CFAP418: variants seen among roughly 807,000 people sequenced by gnomAD.
CFAP418 encodes cilia- and flagella-associated protein 418.
Under a neutral mutation model 24.7 loss-of-function variants are expected in CFAP418, and 27 were observed. That is an observed-to-expected ratio of 1.09 (90% CI 0.81 to 1.51). The LOEUF is 1.51. Among genes scored for constraint, CFAP418 ranks in the 40% most tolerant of loss-of-function variants. The probability of loss-of-function intolerance (pLI) is 0.00; values close to 1 mark genes in which losing one functional copy is unlikely to be tolerated. For synonymous variants in CFAP418, 74 were observed against 87.3 expected (o/e 0.85, Z 0.85); for missense variants, 257 against 255.2 (o/e 1.01, Z -0.05).
rs202061158 is a variant in CFAP418 at position 95,247,707 on chromosome 8, T to C, written c.534A>G (p.Ala178=). 1 of 1,614,170 alleles carries C rather than the reference T, an allele frequency of 6.2e-7. No homozygotes were observed. Residue 178 remains alanine, a synonymous_variant, in exon 6 of 6, where the codon GCA becomes GCG. Coordinates refer to ENST00000286688, the MANE Select transcript of CFAP418 (RefSeq NM_177965.4). The part of the protein sequence containing the change: ...AKLIKKKGTR[A]YACQCSWRTI... ...TTCTCCAGCTACACTGGCAGGCATA[T>C]GCCCGTGTTCCTTTCTTCTTTATCA...
chr8:95,268,915 T>C, intron 1 of CFAP418, 120 bp downstream of exon 1: 5 of 1,121,446 alleles, frequency 4.5e-6, no homozygotes, highest in South Asian at 2.9e-5. Context: ...GTCTGAACCC[T>C]GATGCAAGGA....
intron 1 of CFAP418, among the ~76,000 whole-genome samples, chr8:95,268,400 G>A: frequency 6.6e-6 from 1 of 152,000 alleles, no homozygotes; most frequent in African/African-American, 2.4e-5. Flanking sequence ...CTTTGAACCC[G>A]GGAGTTGGAG....
In CFAP418 at chr8:95,269,047, T is replaced by G. The variant is rs1331803430; in HGVS notation, c.143A>C (p.Lys48Thr). Residue 48 changes from lysine (K) to threonine (T), a missense_variant, in exon 1 of 6, where the codon AAA (lysine) becomes ACA (threonine). Coordinates refer to ENST00000286688, the MANE Select transcript of CFAP418 (RefSeq NM_177965.4). ...HSSDRNQAKA[K>T]ETLRSTETFK... ...CCGCCCGGTTAACCTGAGCGTCTCTTTCGCCTTGGCTTGGTTCCGGTCGCT... is the reference window on the plus strand; with the variant it reads ...CCGCCCGGTTAACCTGAGCGTCTCTGTCGCCTTGGCTTGGTTCCGGTCGCT... 1.2e-6 allele frequency: 2 copies of G among 1,613,944 alleles called. No homozygotes were observed. The highest frequency in any genetic ancestry group is 1.3e-5 in the African/African-American group (1 of 74,928).
At chr8:95,260,373 G>T in intron 3 of CFAP418, 95 bp downstream of exon 3, 1 of 887,964 alleles carries the variant, frequency 1.1e-6, no homozygotes, top group Non-Finnish European at 1.7e-6. Flanking sequence ...GTTGTTCAAT[G>T]TCACTGCTGT....
At chr8:95,260,810 A>G (rs1031688052) in intron 2 of CFAP418, among the ~76,000 whole-genome samples, 1 of 152,342 alleles carries the variant, frequency 6.6e-6, no homozygotes, top group African/African-American at 2.4e-5. Flanking sequence ...GAGTCACTTT[A>G]TAACTCTTCA....
chr8:95,266,071 T>C (rs549508501), intron 1 of CFAP418, among the ~76,000 whole-genome samples: 10 of 152,372 alleles, frequency 6.6e-5, no homozygotes, highest in African/African-American at 2.4e-4. Context: ...TATGTCCTTG[T>C]GATTTAGCAA....
chr8:95,267,576 G>A (rs1215350470), intron 1 of CFAP418, among the ~76,000 whole-genome samples: 2 of 152,112 alleles, frequency 1.3e-5, no homozygotes, highest in African/African-American at 2.4e-5. Context: ...GCGACAGAGC[G>A]AAACTCAAAA....
At chr8:95,258,483 T>C (rs1482937526) in intron 4 of CFAP418, among the ~76,000 whole-genome samples, 1 of 151,564 alleles carries the variant, frequency 6.6e-6, no homozygotes, top group Non-Finnish European at 1.5e-5. Flanking sequence ...AGCTGTACGA[T>C]GTATTTTAAA....
chr8:95,259,233 A>T (rs139161679), intron 4 of CFAP418, among the ~76,000 whole-genome samples: 29 of 152,294 alleles, frequency 1.9e-4, no homozygotes, highest in African/African-American at 5.5e-4. Context: ...CTTAAAGCCA[A>T]ACTGTTTGCC....
chr8:95,257,284 T>C (rs890916990), intron 4 of CFAP418, among the ~76,000 whole-genome samples: 4 of 152,320 alleles, frequency 2.6e-5, no homozygotes, highest in Middle Eastern at 3.4e-3. Context: ...TCTAATTTTT[T>C]TGTACAGAGA....
At chr8:95,256,998 G>A (rs960966918) in intron 4 of CFAP418, among the ~76,000 whole-genome samples, 2 of 152,188 alleles carry the variant, frequency 1.3e-5, no homozygotes, top group African/African-American at 4.8e-5. Flanking sequence ...GTTAATGTGA[G>A]ACAAATGGCA....
chr8:95,269,140 C>T lies in CFAP418; in HGVS notation c.50G>A (p.Cys17Tyr), dbSNP rs1490576673. 2.6e-5 allele frequency: 42 copies of T among 1,614,214 alleles called. No homozygotes were observed. Among genetic ancestry groups the T allele is most frequent in the Non-Finnish European group, 3.6e-5 (42 of 1,180,028 alleles). Reference protein sequence around the residue: ...ELLDEVESKFCTPDLLRRGMV... With the variant: ...ELLDEVESKFYTPDLLRRGMV... The stretch of plus-strand genomic sequence containing the variant: ...ACCCCGTCTTAGAAGGTCAGGTGTG[C>T]AAAACTTGGACTCGACTTCATCCAA... The change falls in exon 1 of 6, where the codon TGC becomes TAC. Residue 17 changes from cysteine to tyrosine, a missense_variant. By Grantham distance (194) the Cys-to-Tyr change is radical (BLOSUM62 -2). Coordinates refer to ENST00000286688, the MANE Select transcript of CFAP418 (RefSeq NM_177965.4).
Position 95,247,597 on chromosome 8 carries a change from C to T in CFAP418, c.*20G>A, listed in dbSNP as rs769371465. The T allele has an allele frequency of 1.4e-5, 22 of 1,613,594 alleles. No homozygotes were observed. The highest frequency in any genetic ancestry group is 4.4e-5 in the South Asian group (4 of 91,060). On this transcript the variant is annotated 3_prime_UTR_variant, in exon 6 of 6. Coordinates refer to ENST00000286688, the MANE Select transcript of CFAP418 (RefSeq NM_177965.4). ...GACCACTCTCATGGATGCATCTGTC[C>T]GAATGTGCAGTCTGCATTCTTAATG...
intron 4 of CFAP418, 132 bp downstream of exon 4, chr8:95,259,708 C>T: frequency 1.4e-6 from 1 of 703,826 alleles, no homozygotes; most frequent in South Asian, 1.8e-5. Flanking sequence ...ACAAAGAATT[C>T]TTAGATTAGC....
intron 1 of CFAP418, among the ~76,000 whole-genome samples, chr8:95,265,603 C>T (rs1407501234): frequency 6.6e-6 from 1 of 152,158 alleles, no homozygotes; most frequent in Non-Finnish European, 1.5e-5. Context: ...TCTCCTTTGG[C>T]TTTCAGGACA....
At chr8:95,262,506 A>T (rs1322325756) in intron 2 of CFAP418, among the ~76,000 whole-genome samples, 8 of 152,014 alleles carry the variant, frequency 5.3e-5, no homozygotes, top group Non-Finnish European at 1.0e-4. Flanking sequence ...TATTTCTTAA[A>T]TTTTTTTGTG....
intron 4 of CFAP418, among the ~76,000 whole-genome samples, chr8:95,252,978 A>G (rs1299340102): frequency 2.0e-5 from 3 of 152,196 alleles, no homozygotes; most frequent in African/African-American, 7.2e-5. Context: ...GACCCCCACA[A>G]AAAATTCCTA....
At chr8:95,260,153 G>C (rs1295483375) in intron 3 of CFAP418, among the ~76,000 whole-genome samples, 2 of 152,180 alleles carry the variant, frequency 1.3e-5, no homozygotes, top group Non-Finnish European at 2.9e-5. Flanking sequence ...AAATGTGTTT[G>C]CCAAATAATG....
At chr8:95,268,336 A>C (rs1812040695) in intron 1 of CFAP418, among the ~76,000 whole-genome samples, 1 of 151,932 alleles carries the variant, frequency 6.6e-6, no homozygotes, top group Non-Finnish European at 1.5e-5. Context: ...ACGTAATCCC[A>C]GATTACAGGC....
Sources: gnomAD v4.1 joint callset for allele counts (sites outside exome capture counted in the v4.1 genomes callset) on GRCh38, gnomAD v4.1.1 for gene constraint, MANE v1.5 for transcripts, NCBI Gene and HGNC (gene_info 2026-07-23, HGNC 2026-07-21) for gene names.